Variants in FBXL7 observed in about 807,000 individuals in gnomAD.
FBXL7 encodes F-box/LRR-repeat protein 7.
Under a neutral mutation model 38.3 loss-of-function variants are expected in FBXL7, and 12 were observed. The ratio of observed to expected loss-of-function variants is 0.31; its 90% CI spans 0.20 to 0.51. The LOEUF is 0.51. Ranked by LOEUF, FBXL7 falls within the 20% of genes least tolerant of loss-of-function variation. FBXL7 has a pLI of 0.98. For synonymous variants in FBXL7, 297 were observed against 300.9 expected (o/e 0.99, Z 0.13); for missense variants, 567 against 676.4 (o/e 0.84, Z 1.79).
intron 1 of FBXL7, chr5:15,501,564 G>C (rs1736486311): frequency 1.0e-6 from 1 of 985,476 alleles, no homozygotes; most frequent in Non-Finnish European, 1.2e-6. Flanking sequence ...AGGAGTGGAA[G>C]AGACCGGGTC....
chr5:15,934,969 G>A (rs1742138424), intron 3 of FBXL7, among the ~76,000 whole-genome samples: 3 of 152,178 alleles, frequency 2.0e-5, no homozygotes, highest in African/African-American at 7.2e-5. Context: ...AAATAAAGGG[G>A]AGGAAAGCAG....
intron 2 of FBXL7, among the ~76,000 whole-genome samples, chr5:15,772,965 G>A (rs1326228446): frequency 6.6e-6 from 1 of 151,838 alleles, no homozygotes; most frequent in African/African-American, 2.4e-5. Flanking sequence ...TGAGATTGTG[G>A]CTCACTTCAG....
chr5:15,643,969 A>G (rs891444819), intron 2 of FBXL7, among the ~76,000 whole-genome samples: 1 of 152,074 alleles, frequency 6.6e-6, no homozygotes, highest in Non-Finnish European at 1.5e-5. Context: ...TGAATTAAAC[A>G]TTGTTTTGGC....
intron 2 of FBXL7, among the ~76,000 whole-genome samples, chr5:15,803,758 T>C (rs1737633050): frequency 6.6e-6 from 1 of 152,206 alleles, no homozygotes; most frequent in African/African-American, 2.4e-5. Context: ...TTCCCCCTCC[T>C]CCTGTATTTG....
intron 2 of FBXL7, among the ~76,000 whole-genome samples, chr5:15,722,113 G>T (rs906457240): frequency 1.1e-4 from 16 of 152,168 alleles, no homozygotes; most frequent in African/African-American, 3.1e-4. Context: ...GATTACAGGC[G>T]TGAGCCATCA....
intron 2 of FBXL7, among the ~76,000 whole-genome samples, chr5:15,846,911 G>C (rs11740551): frequency 0.038 from 5,730 of 152,004 alleles, 158 homozygotes; most frequent in Non-Finnish European, 0.053. Context: ...TTTTTTCAAA[G>C]ATATAGAAAT....
chr5:15,510,623 A>T (rs779575616), intron 1 of FBXL7, among the ~76,000 whole-genome samples: 1 of 152,216 alleles, frequency 6.6e-6, no homozygotes, highest in Non-Finnish European at 1.5e-5. Context: ...TGGGAATTAG[A>T]GCATCAATTG....
chr5:15,699,795 C>T (rs561784872), intron 2 of FBXL7, among the ~76,000 whole-genome samples: 6 of 152,168 alleles, frequency 3.9e-5, no homozygotes, highest in South Asian at 2.1e-4. Flanking sequence ...TATTATCCTT[C>T]GGTAGGAAAT....
intron 3 of FBXL7, among the ~76,000 whole-genome samples, chr5:15,931,600 CCT>C (rs1219481566): frequency 6.6e-6 from 1 of 152,138 alleles, no homozygotes; most frequent in African/African-American, 2.4e-5. Context: ...ATAATTGCTC[CCT>C]ATGACCTACA....
chr5:15,732,662 AC>A (rs1735623050), intron 2 of FBXL7, among the ~76,000 whole-genome samples: 1 of 152,234 alleles, frequency 6.6e-6, no homozygotes, highest in Non-Finnish European at 1.5e-5. Context: ...TGTTAAGATT[AC>A]GATCTATAGA....
chr5:15,743,537 C>G (rs1428521097), intron 2 of FBXL7, among the ~76,000 whole-genome samples: 1 of 152,230 alleles, frequency 6.6e-6, no homozygotes, highest in African/African-American at 2.4e-5. Context: ...TACAGCACCC[C>G]CTCCCAGCTG....
chr5:15,622,780 C>T (rs531680323), intron 2 of FBXL7, among the ~76,000 whole-genome samples: 1 of 152,362 alleles, frequency 6.6e-6, no homozygotes, highest in Admixed American at 6.5e-5. Flanking sequence ...TCTCGGCTCA[C>T]TGCAACCTCT....
intron 1 of FBXL7, among the ~76,000 whole-genome samples, chr5:15,547,515 T>C (rs1490861032): frequency 6.6e-6 from 1 of 152,154 alleles, no homozygotes; most frequent in Non-Finnish European, 1.5e-5. Flanking sequence ...TGAAGCAGTT[T>C]ATTAGTTAGA....
At chr5:15,927,779 AAAAAAAAAG>A in intron 2 of FBXL7, 102 bp from the exon 3 acceptor site, 2 of 805,004 alleles carry the variant, frequency 2.5e-6, no homozygotes, top group Non-Finnish European at 3.3e-6. Context: ...AAAAAAAAAA[AAAAAAAAAG>A]AAGAAGAAAG....
At chr5:15,739,447 A>C (rs1735838161) in intron 2 of FBXL7, among the ~76,000 whole-genome samples, 1 of 152,228 alleles carries the variant, frequency 6.6e-6, no homozygotes, top group South Asian at 2.1e-4. Flanking sequence ...AGTGGGTTTT[A>C]GTGTATTCAC....
At chr5:15,664,189 C>T (rs1376606340) in intron 2 of FBXL7, among the ~76,000 whole-genome samples, 1 of 152,040 alleles carries the variant, frequency 6.6e-6, no homozygotes. Context: ...CCACCATCTA[C>T]TTTCAGATAG....
At chr5:15,752,728 T>C (rs1254806162) in intron 2 of FBXL7, among the ~76,000 whole-genome samples, 1 of 152,202 alleles carries the variant, frequency 6.6e-6, no homozygotes, top group African/African-American at 2.4e-5. Context: ...ATTACTTCAT[T>C]TTAGTAAATG....
At chr5:15,570,652 C>T (rs1342809290) in intron 1 of FBXL7, among the ~76,000 whole-genome samples, 1 of 152,188 alleles carries the variant, frequency 6.6e-6, no homozygotes, top group African/African-American at 2.4e-5. Context: ...CCTGTAGCAG[C>T]CCGTGTGTGT....
chr5:15,611,765 C>G lies in FBXL7; in HGVS notation c.38-4218C>G, dbSNP rs577895165. Among the ~76,000 whole-genome samples the G allele has an allele frequency of 8.6e-5, 13 of 151,684 alleles. No individual in the cohort carries two copies. In the East Asian group the frequency reaches 2.1e-3, roughly 25 times the overall value. On this transcript the variant is annotated intron_variant, in intron 1 of 3. Coordinates refer to ENST00000504595, the MANE Select transcript of FBXL7 (RefSeq NM_012304.5). ...TGGGAGGCCAAGGTGGGAGGATTGC[C>G]TGAGGCCAGGAATTTGAGACCAGCC... is the stretch of plus-strand genomic sequence containing the variant.
Sources: allele counts gnomAD v4.1 joint callset (sites outside exome capture counted in the v4.1 genomes callset), GRCh38; gene constraint gnomAD v4.1.1; transcripts MANE v1.5; gene names NCBI Gene and HGNC (gene_info 2026-07-23, HGNC 2026-07-21).